DBT: variants seen among roughly 807,000 people sequenced by gnomAD.
The protein encoded by DBT is dihydrolipoamide branched chain transacylase E2.
A neutral mutation model predicts 51.3 loss-of-function variants in DBT; 40 were observed. The ratio of observed to expected loss-of-function variants is 0.78; its 90% CI spans 0.61 to 1.02. The LOEUF (loss-of-function observed/expected upper bound fraction) is 1.02, where lower values mean the gene tolerates loss of function less well. Ranked by LOEUF, DBT falls within the 50% of genes least tolerant of loss-of-function variation. The pLI, the probability that DBT is intolerant of heterozygous loss-of-function variation, is 0.00. For synonymous variants in DBT, 181 were observed against 190.4 expected, an observed-to-expected ratio of 0.95 and a Z score of 0.41; for missense variants, 510 against 580.2, an observed-to-expected ratio of 0.88 and a Z score of 1.24.
chr1:100,210,866 G>T (rs1288428165), intron 7 of DBT, 95 bp from the exon 8 acceptor site: 25 of 1,562,368 alleles, frequency 1.6e-5, no homozygotes, highest in Non-Finnish European at 2.2e-5. Flanking sequence ...GGGAGAGAGA[G>T]AACTCTTATT....
chr1:100,243,174 A>G (rs1171458520), intron 1 of DBT, among the ~76,000 whole-genome samples: 1 of 151,006 alleles, frequency 6.6e-6, no homozygotes, highest in Non-Finnish European at 1.5e-5. Flanking sequence ...AGGCACAAGA[A>G]TCACTTGAAC....
rs1460905237 is a variant in DBT at position 100,195,139 on chromosome 1, C to A, written c.*1116G>T. ...AATGGAATAGACCTTAATTTCTTAT[C>A]CTATTTTTTAGCTGAAGACCAAAAA... On this transcript the variant is annotated 3_prime_UTR_variant, in exon 11 of 11. Transcript: ENST00000370132. The A allele has an allele frequency of 6.6e-6, 1 of 152,434 alleles. No homozygotes were observed. Among genetic ancestry groups the A allele is most frequent in the African/African-American group, 2.4e-5 (1 of 41,392 alleles). 9.4% of individuals were successfully genotyped at this position (152,434 alleles called of 1,614,324 possible).
chr1:100,226,474 G>A (rs528400553), intron 4 of DBT, among the ~76,000 whole-genome samples: 1 of 151,686 alleles, frequency 6.6e-6, no homozygotes, highest in South Asian at 2.1e-4. Flanking sequence ...TTGTAGAGAT[G>A]GGGTCTCGTT....
chr1:100,227,871 T>A (rs1557955104), intron 4 of DBT, among the ~76,000 whole-genome samples: 2 of 152,154 alleles, frequency 1.3e-5, no homozygotes, highest in African/African-American at 4.8e-5. Flanking sequence ...GTTTTTAAGA[T>A]AGAGTCTCAC....
At chr1:100,208,921 A>G (rs550335085) in intron 8 of DBT, among the ~76,000 whole-genome samples, 129 of 150,768 alleles carry the variant, frequency 8.6e-4, no homozygotes, top group African/African-American at 2.8e-3. Flanking sequence ...AAAAAAAAAA[A>G]AAAAAGAAAA....
chr1:100,230,804 A>G lies in DBT; in HGVS notation c.362T>C (p.Leu121Pro), dbSNP rs1663512707. The G allele has an allele frequency of 2.5e-6, 4 of 1,610,560 alleles. No individual in the cohort carries two copies. The highest frequency in any genetic ancestry group is 3.4e-6 in the Non-Finnish European group (4 of 1,177,138). ...GGCAATATCGTCTAGATTATAATAG[A>G]GTTTTTTAATGACTCCATCATAACG... ...TSRYDGVIKK[L>P]YYNLDDIAYV... The change falls in exon 4 of 11, where the codon CTC (leucine) becomes CCC (proline). Residue 121 changes from leucine (L) to proline (P), a missense_variant. Coordinates refer to ENST00000370132, the MANE Select transcript of DBT (RefSeq NM_001918.5).
chr1:100,218,640 C>T lies in DBT; in HGVS notation c.541G>A (p.Ala181Thr), dbSNP rs1645919589. ...AGAGAACTTACATTGTTTTCCATTG[C>T]CAGACGGCGAACTGCAGGAGTTGCC... ...TLATPAVRRL[A>T]MENNIKLSEV... The change falls in exon 5 of 11, where the codon GCA (alanine) becomes ACA (threonine). Residue 181 changes from alanine (A) to threonine (T), a missense_variant. By Grantham distance (58) the Ala-to-Thr change is moderately conservative. Transcript: ENST00000370132. 1 of 1,613,800 alleles carries T rather than the reference C, an allele frequency of 6.2e-7. No individual in the cohort carries two copies. Among genetic ancestry groups the T allele is most frequent in the Non-Finnish European group, 8.5e-7 (1 of 1,179,916 alleles).
intron 7 of DBT, among the ~76,000 whole-genome samples, chr1:100,212,144 G>A (rs1422951947): frequency 6.6e-6 from 1 of 152,078 alleles, no homozygotes; most frequent in Non-Finnish European, 1.5e-5. Context: ...AACCCCTAAG[G>A]TTAGTCTAAA....
intron 3 of DBT, among the ~76,000 whole-genome samples, chr1:100,233,933 C>A (rs1663701391): frequency 6.6e-6 from 1 of 152,204 alleles, no homozygotes; most frequent in African/African-American, 2.4e-5. Flanking sequence ...CCAGTATAAG[C>A]CTGCCAGGGC....
chr1:100,225,325 G>A (rs1158130558), intron 4 of DBT, among the ~76,000 whole-genome samples: 1 of 151,730 alleles, frequency 6.6e-6, no homozygotes, highest in African/African-American at 2.4e-5. Context: ...CATATAGCAT[G>A]TTTTCTTTTG....
intron 1 of DBT, among the ~76,000 whole-genome samples, chr1:100,248,821 C>T (rs1471228289): frequency 1.3e-5 from 2 of 151,652 alleles, no homozygotes; most frequent in Non-Finnish European, 2.9e-5. Flanking sequence ...TCTGGGAACT[C>T]CTCTGACCCC....
chr1:100,232,304 TG>T (rs1663594312), intron 3 of DBT, among the ~76,000 whole-genome samples: 1 of 152,076 alleles, frequency 6.6e-6, no homozygotes, highest in Non-Finnish European at 1.5e-5. Flanking sequence ...TTGTTGTTGT[TG>T]TTGTTGTTGT....
At chr1:100,210,031 G>T (rs1662040814) in intron 8 of DBT, among the ~76,000 whole-genome samples, 1 of 151,832 alleles carries the variant, frequency 6.6e-6, no homozygotes, top group Admixed American at 6.6e-5. Flanking sequence ...CCAGGAATTT[G>T]CCAGGCACAG....
chr1:100,244,311 TAA>T (rs1488283078), intron 1 of DBT, among the ~76,000 whole-genome samples: 1 of 152,144 alleles, frequency 6.6e-6, no homozygotes, highest in Non-Finnish European at 1.5e-5. Flanking sequence ...ACCAAAGGTA[TAA>T]AAGAGAGCAA....
chr1:100,247,455 T>A (rs113211752), intron 1 of DBT, among the ~76,000 whole-genome samples: 301 of 152,220 alleles, frequency 2.0e-3, no homozygotes, highest in Non-Finnish European at 3.2e-3. Flanking sequence ...TCCCAGCACT[T>A]TGGGAGGCCA....
Position 100,207,785 on chromosome 1 carries a change from G to C in DBT, c.1018-1149C>G, listed in dbSNP as rs571994521. 3.3e-5 allele frequency among the ~76,000 whole-genome samples: 5 copies of C among 151,706 alleles called. No homozygotes were observed. The East Asian group carries it at 9.7e-4, about 29-fold the overall frequency. On this transcript the variant is annotated intron_variant, in intron 8 of 10. Coordinates refer to ENST00000370132, the MANE Select transcript of DBT (RefSeq NM_001918.5). ...CCTCAAGAGTTTTAGGTTACAATAAGCTATGATTATGCATGGGTGACAGAG... is the reference window on the plus strand; with the variant it reads ...CCTCAAGAGTTTTAGGTTACAATAACCTATGATTATGCATGGGTGACAGAG...
rs1312868554 is a variant in DBT at position 100,192,258 on chromosome 1, G to C, written c.*3997C>G. ...TGCTCTTCTCTAGGTTATTGGCACA[G>C]ACCCACTTCCAGTGATAGCTTTAAT... On this transcript the variant is annotated 3_prime_UTR_variant, in exon 11 of 11. Transcript: ENST00000370132. The C allele has an allele frequency of 6.6e-6, 1 of 152,228 alleles. No homozygotes were observed. The highest frequency in any genetic ancestry group is 1.5e-5 in the Non-Finnish European group (1 of 68,062). 9.4% of individuals were successfully genotyped at this position (152,228 alleles called of 1,614,324 possible). A position where few individuals can be genotyped will look rare whatever the true frequency, so the allele number is the denominator to read the frequency against.
intron 1 of DBT, among the ~76,000 whole-genome samples, chr1:100,245,506 T>A (rs1296397560): frequency 6.6e-6 from 1 of 152,216 alleles, no homozygotes; most frequent in Admixed American, 6.5e-5. Context: ...TCTGTACCAA[T>A]TTGCCTGAGG....
intron 7 of DBT, chr1:100,213,489 G>A: frequency 3.2e-6 from 5 of 1,546,312 alleles, no homozygotes; most frequent in Non-Finnish European, 3.6e-6. Context: ...ACCGTCATCC[G>A]CTATCCTACC....
Sources: gnomAD v4.1 joint callset for allele counts (sites outside exome capture counted in the v4.1 genomes callset) on GRCh38, gnomAD v4.1.1 for gene constraint, MANE v1.5 for transcripts, NCBI Gene and HGNC (gene_info 2026-07-23, HGNC 2026-07-21) for gene names.